SUSD5: variants seen among roughly 807,000 people sequenced by gnomAD.
SUSD5 encodes sushi domain containing 5.
SUSD5 carries 33 observed loss-of-function variants against 29.5 expected under a neutral mutation model. The observed-to-expected ratio is 1.12, with a 90% CI of 0.85 to 1.49. The LOEUF (loss-of-function observed/expected upper bound fraction) is 1.49. Among genes scored for constraint, SUSD5 ranks in the 40% most tolerant of loss-of-function variants. The probability of loss-of-function intolerance (pLI) is 0.00; values close to 1 mark genes in which losing one functional copy is unlikely to be tolerated. For synonymous variants in SUSD5, 308 were observed against 325.3 expected (o/e 0.95, Z 0.57); for missense variants, 776 against 800.6 (o/e 0.97, Z 0.37).
chr3:33,218,666 G>T lies in SUSD5; in HGVS notation c.112+20C>A. The stretch of plus-strand genomic sequence containing the variant: ...GACCCCACGCTCCACCCCCCGCCCC[G>T]CCGCCTCCCGCACACTCACCATCCG... On this transcript the variant is annotated intron_variant, in intron 1 of 4. Transcript: ENST00000309558. 1.1e-6 allele frequency: 1 copy of T among 946,666 alleles called. No homozygotes were observed. 58.6% of individuals were successfully genotyped at this position (946,666 alleles called of 1,614,324 possible). A position where few individuals can be genotyped will look rare whatever the true frequency, so the allele number is the denominator to read the frequency against.
In SUSD5 at chr3:33,167,966, A is replaced by T. The variant is rs2031340563; in HGVS notation, c.598+6920T>A. ...CTGATTTAGACAAACAAGTCTAGGA[A>T]ATGTAAGCTTTGTGGCTTCTCCTGG... On this transcript the variant is annotated intron_variant, in intron 4 of 4. Transcript: ENST00000309558. This position sits in a 1 kb window ranked among gnomAD's most constrained non-coding sequence, Gnocchi z 4.1. Among the ~76,000 whole-genome samples the T allele has an allele frequency of 6.6e-6, 1 of 152,244 alleles. No homozygotes were observed. The highest frequency in any genetic ancestry group is 1.5e-5 in the Non-Finnish European group (1 of 68,046).
At chr3:33,181,983 T>G (rs56072830) in intron 3 of SUSD5, among the ~76,000 whole-genome samples, 23,319 of 152,262 alleles carry the variant, frequency 0.15, 2,050 homozygotes, top group South Asian at 0.28. Flanking sequence ...GTTTAATTTA[T>G]ATTTAACTTG....
At position 33,150,978 on chromosome 3, in the gene SUSD5, T is replaced by C. The variant is rs2030861518; in HGVS notation, c.*1764A>G. 6.6e-6 allele frequency: 1 copy of C among 152,248 alleles called. No individual in the cohort carries two copies. The highest frequency in any genetic ancestry group is 6.5e-5 in the Admixed American group (1 of 15,282). 9.4% of individuals were successfully genotyped at this position (152,248 alleles called of 1,614,324 possible). On this transcript the variant is annotated 3_prime_UTR_variant, in exon 5 of 5. Coordinates refer to ENST00000309558, the MANE Select transcript of SUSD5 (RefSeq NM_015551.2). ...AAAAATATAACATGTTTCATTTCTG[T>C]GCCAACATACAGGAGACTATTGCAG...
chr3:33,180,038 A>T (rs765074075), intron 3 of SUSD5, among the ~76,000 whole-genome samples: 25 of 152,246 alleles, frequency 1.6e-4, no homozygotes, highest in Non-Finnish European at 3.2e-4. Context: ...ACAGTACAAA[A>T]TACTCAATAA....
In SUSD5 at chr3:33,175,185, C is replaced by T. The variant is rs1210394550; in HGVS notation, c.410-111G>A. 4.2e-6 allele frequency: 5 copies of T among 1,183,004 alleles called. No individual in the cohort carries two copies. In the African/African-American group the frequency reaches 4.6e-5, roughly 11 times the overall value. 73.3% of individuals were successfully genotyped at this position (1,183,004 alleles called of 1,614,324 possible). A position where few individuals can be genotyped will look rare whatever the true frequency, so the allele number is the denominator to read the frequency against. ...CCCCTGCCGCCCACCGTACCCTCAA[C>T]TGTGATCACAGGGGCTGTTTCTTGG... On this transcript the variant is annotated intron_variant, in intron 3 of 4. Coordinates refer to ENST00000309558, the MANE Select transcript of SUSD5 (RefSeq NM_015551.2).
In SUSD5 at chr3:33,165,702, G is replaced by C. The variant is rs113147575; in HGVS notation, c.598+9184C>G. Reference sequence around the variant, plus strand: ...CTAAAATTTCACCTCATCATGTTCAGTGGTAGAAGAAAAAAGAACAATGGC... The same window carrying C: ...CTAAAATTTCACCTCATCATGTTCACTGGTAGAAGAAAAAAGAACAATGGC... On this transcript the variant is annotated intron_variant, in intron 4 of 4. Coordinates refer to ENST00000309558, the MANE Select transcript of SUSD5 (RefSeq NM_015551.2). Among the ~76,000 whole-genome samples, 626 of 152,300 alleles carry C rather than the reference G, an allele frequency of 4.1e-3. 6 individuals carry two copies. Among genetic ancestry groups the C allele is most frequent in the African/African-American group, 0.015 (604 of 41,568 alleles).
chr3:33,178,026 G>C (rs2031588281), intron 3 of SUSD5, among the ~76,000 whole-genome samples: 1 of 152,230 alleles, frequency 6.6e-6, no homozygotes, highest in Non-Finnish European at 1.5e-5. Flanking sequence ...GTGGTGAAAA[G>C]AGACATCTTG....
intron 2 of SUSD5, 149 bp from the exon 3 acceptor site, chr3:33,208,075 G>GA: frequency 3.4e-6 from 2 of 582,560 alleles, no homozygotes; most frequent in Non-Finnish European, 5.9e-6. Flanking sequence ...CACATTCTCT[G>GA]CAAAAAAAAG....
chr3:33,215,423 G>A (rs6800126), intron 1 of SUSD5, among the ~76,000 whole-genome samples: 2,027 of 152,008 alleles, frequency 0.013, 44 homozygotes, highest in African/African-American at 0.047. Context: ...ATCATACAAA[G>A]CATGCCTTTT....
intron 2 of SUSD5, among the ~76,000 whole-genome samples, chr3:33,208,516 CTTAAT>C (rs1408155877): frequency 6.6e-6 from 1 of 152,080 alleles, no homozygotes; most frequent in Admixed American, 6.6e-5. Context: ...TCTACTAATA[CTTAAT>C]TTAATCATCA....
intron 2 of SUSD5, among the ~76,000 whole-genome samples, chr3:33,211,725 C>T (rs1390742843): frequency 6.6e-6 from 1 of 152,230 alleles, no homozygotes; most frequent in Non-Finnish European, 1.5e-5. Context: ...AGTGAAGTGG[C>T]TCCTGCCTTC....
intron 3 of SUSD5, among the ~76,000 whole-genome samples, chr3:33,192,420 G>C (rs572790070): frequency 6.5e-4 from 99 of 151,924 alleles, no homozygotes; most frequent in Non-Finnish European, 1.2e-3. Context: ...ATTGGCAAGA[G>C]AGTTGAATAT....
intron 4 of SUSD5, among the ~76,000 whole-genome samples, chr3:33,155,405 A>C (rs2125613306): frequency 6.6e-6 from 1 of 152,352 alleles, no homozygotes; most frequent in Admixed American, 6.5e-5. Flanking sequence ...AGAATGGCTA[A>C]AATTAAACAG....
At chr3:33,193,064 T>C (rs1482361732) in intron 3 of SUSD5, among the ~76,000 whole-genome samples, 1 of 152,014 alleles carries the variant, frequency 6.6e-6, no homozygotes, top group Non-Finnish European at 1.5e-5. Context: ...ATTGAAATAA[T>C]AGCAATAAGT....
chr3:33,165,896 A>C (rs1156923761), intron 4 of SUSD5, among the ~76,000 whole-genome samples: 1 of 151,966 alleles, frequency 6.6e-6, no homozygotes, highest in Non-Finnish European at 1.5e-5. Flanking sequence ...CAATCCTGGC[A>C]CTTCGGGAGC....
intron 3 of SUSD5, among the ~76,000 whole-genome samples, chr3:33,195,427 G>A (rs1282903362): frequency 6.6e-6 from 1 of 152,156 alleles, no homozygotes; most frequent in Non-Finnish European, 1.5e-5. Context: ...ATGGAGGTGG[G>A]AATGGCTGTT....
intron 4 of SUSD5, among the ~76,000 whole-genome samples, chr3:33,159,356 C>T (rs2031125677): frequency 6.6e-6 from 1 of 152,198 alleles, no homozygotes; most frequent in Non-Finnish European, 1.5e-5. Context: ...TCCAGCACCT[C>T]AGAGTATCTG....
chr3:33,198,779 C>G (rs1422488938), intron 3 of SUSD5, among the ~76,000 whole-genome samples: 1 of 152,118 alleles, frequency 6.6e-6, no homozygotes, highest in Non-Finnish European at 1.5e-5. Flanking sequence ...TCTCCCAGAC[C>G]CATAACACCA....
intron 3 of SUSD5, among the ~76,000 whole-genome samples, chr3:33,187,364 G>A (rs2031798028): frequency 6.6e-6 from 1 of 152,226 alleles, no homozygotes; most frequent in Non-Finnish European, 1.5e-5. Flanking sequence ...GCTGCTGAGA[G>A]TCTAGGTACA....
Sources: gnomAD v4.1 joint callset for allele counts (sites outside exome capture counted in the v4.1 genomes callset) on GRCh38, gnomAD v4.1.1 for gene constraint, Gnocchi (gnomAD v3.1) non-coding constraint, MANE v1.5 for transcripts, NCBI Gene and HGNC (gene_info 2026-07-23, HGNC 2026-07-21) for gene names.